The following VWF variants were observed in gnomAD, a reference collection of about 807,000 sequenced individuals.
VWF encodes the protein Factor VIII related antigen.
A neutral mutation model predicts 308.6 loss-of-function variants in VWF; 176 were observed. That is an observed-to-expected ratio of 0.57 (90% CI 0.50 to 0.65). VWF has a LOEUF of 0.65. Among genes scored for constraint, VWF ranks in the 30% least tolerant of loss-of-function variants. The pLI is 0.00. For missense variants in VWF, 3,146 were observed against 3,648.2 expected, an observed-to-expected ratio of 0.86 and a Z score of 3.55; for synonymous variants, 1,385 against 1,443.4, an observed-to-expected ratio of 0.96 and a Z score of 0.92.
At chr12:6,116,793 C>A (rs1945371886) in intron 3 of VWF, among the ~76,000 whole-genome samples, 1 of 152,174 alleles carries the variant, frequency 6.6e-6, no homozygotes, top group African/African-American at 2.4e-5. Flanking sequence ...CCTTCGTGTG[C>A]GTACATAAAC....
At chr12:5,991,510 T>C (rs1943742651) in intron 38 of VWF, among the ~76,000 whole-genome samples, 1 of 152,208 alleles carries the variant, frequency 6.6e-6, no homozygotes, top group Non-Finnish European at 1.5e-5. Flanking sequence ...CTTTCCCTCC[T>C]GGATTTCTGT....
intron 6 of VWF, among the ~76,000 whole-genome samples, chr12:6,087,354 CTTTT>C (rs948166436): frequency 5.1e-5 from 6 of 118,762 alleles, no homozygotes; most frequent in Admixed American, 4.4e-4. Context: ...AGACTTAACT[CTTTT>C]TTTTTTTTTT....
In VWF at chr12:5,985,090, G is replaced by A. The variant is rs150725355; in HGVS notation, c.6931C>T (p.Arg2311Cys). The stretch of plus-strand genomic sequence containing the variant: ...CACTGGTCTGCATTCTGGCGGAGGC[G>A]GGCTACTTCACACAGGCCACACGTG... ...APTCGLCEVARLRQNADQCCP... is the reference protein window; with the variant it reads ...APTCGLCEVACLRQNADQCCP... The change falls in exon 40 of 52, where the codon CGC becomes TGC. Residue 2311 changes from arginine (R) to cysteine (C), a missense_variant. Around this residue, in one of 3 missense-constraint regions of VWF, gnomAD observed 989 missense variants for 1,117.4 expected, o/e 0.89. Transcript: ENST00000261405. The A allele has an allele frequency of 7.0e-5, 113 of 1,614,030 alleles. No homozygotes were observed. Among genetic ancestry groups the A allele is most frequent in the Non-Finnish European group, 7.7e-5 (91 of 1,180,046 alleles).
At chr12:6,068,990 G>A (rs1944753622) in intron 10 of VWF, among the ~76,000 whole-genome samples, 1 of 151,680 alleles carries the variant, frequency 6.6e-6, no homozygotes, top group Non-Finnish European at 1.5e-5. Flanking sequence ...CCAAGTACCT[G>A]GGACTACAGG....
At chr12:6,095,839 G>T (rs1945100196) in intron 5 of VWF, 1 of 462,520 alleles carries the variant, frequency 2.2e-6, no homozygotes, top group Non-Finnish European at 4.0e-6. Context: ...CAACCCAGTT[G>T]TCCCCCACTC....
chr12:6,099,339 A>AAAAC (rs1565389298), intron 5 of VWF, among the ~76,000 whole-genome samples: 2 of 149,638 alleles, frequency 1.3e-5, no homozygotes, highest in Non-Finnish European at 3.0e-5. Context: ...AAAAAAAAAA[A>AAAAC]AACCAAGGAA....
chr12:6,101,194 T>C (rs958060173), intron 5 of VWF, among the ~76,000 whole-genome samples: 2 of 152,118 alleles, frequency 1.3e-5, no homozygotes, highest in Non-Finnish European at 2.9e-5. Flanking sequence ...AGAAGATAGA[T>C]CTAAGTAGAG....
chr12:6,090,474 G>A (rs192334037), intron 6 of VWF, among the ~76,000 whole-genome samples: 3 of 152,174 alleles, frequency 2.0e-5, no homozygotes, highest in African/African-American at 2.4e-5. Context: ...AAAAGAATGC[G>A]TGTTGAAACT....
At chr12:6,003,960 C>T (rs373522187) in intron 34 of VWF, among the ~76,000 whole-genome samples, 8 of 151,800 alleles carry the variant, frequency 5.3e-5, no homozygotes, top group Admixed American at 3.3e-4. Context: ...GAACTACAGG[C>T]GCCCGCCACC....
chr12:6,073,243 C>T (rs116811595), intron 8 of VWF, among the ~76,000 whole-genome samples: 2 of 152,242 alleles, frequency 1.3e-5, no homozygotes, highest in South Asian at 4.1e-4. Context: ...AGTGCAGAGC[C>T]CTTTTTCAGC....
At chr12:6,120,364 C>T (rs1311698941) in intron 3 of VWF, among the ~76,000 whole-genome samples, 1 of 151,816 alleles carries the variant, frequency 6.6e-6, no homozygotes, top group Admixed American at 6.6e-5. Flanking sequence ...CTCTGTTGCC[C>T]AGGCTGGAGT....
Position 6,012,138 on chromosome 12 carries a change from A to T in VWF, c.5621-8T>A. 1 of 1,614,018 alleles carries T rather than the reference A, an allele frequency of 6.2e-7. No homozygotes were observed. Among genetic ancestry groups the T allele is most frequent in the East Asian group, 2.2e-5 (1 of 44,884 alleles). On this transcript the variant is annotated splice_polypyrimidine_tract_variant and splice_region_variant and intron_variant, in intron 32 of 51. Transcript: ENST00000261405. Reference sequence around the variant, plus strand: ...TGCAAATCCTAACAAATCCTGCAACAGACACAAATAAGACCTTAGTTCCCA... The same window carrying T: ...TGCAAATCCTAACAAATCCTGCAACTGACACAAATAAGACCTTAGTTCCCA...
rs753735116 is a variant in VWF, at chr12:6,011,720, C to G, written c.5739G>C (p.Lys1913Asn). ...TCQPDGQTLL[K>N]SHRVNCDRGL... ...CCCGGTCACAGTTGACCCGATGACT[C>G]TTCAGCAAGGTCTGGCCATCTGGCT... Residue 1913 changes from lysine to asparagine, a missense_variant, in exon 34 of 52, where the codon AAG (lysine) becomes AAC (asparagine). Physicochemically the swap from Lys to Asn is moderately conservative, Grantham distance 94. Transcript: ENST00000261405. The G allele has an allele frequency of 4.6e-5, 75 of 1,613,758 alleles. 1 individual carries two copies. In the South Asian group the frequency reaches 7.7e-4, roughly 17 times the overall value.
intron 47 of VWF, 107 bp downstream of exon 47, chr12:5,967,379 A>T (rs1591834774): frequency 1.0e-6 from 1 of 957,496 alleles, no homozygotes; most frequent in East Asian, 2.4e-5. Context: ...GTTTATAATC[A>T]GAAAATAATG....
intron 11 of VWF, 86 bp downstream of exon 11, chr12:6,065,051 G>T: frequency 6.3e-7 from 1 of 1,590,144 alleles, no homozygotes; most frequent in Admixed American, 1.7e-5. Context: ...AATGCCCCAC[G>T]CCTTCCAGGG....
intron 47 of VWF, among the ~76,000 whole-genome samples, chr12:5,964,239 C>T (rs1439914144): frequency 6.9e-6 from 1 of 144,594 alleles, no homozygotes; most frequent in Non-Finnish European, 1.5e-5. Flanking sequence ...TACATACATA[C>T]ATACATACAT....
chr12:6,046,872 C>G lies in VWF; in HGVS notation c.2187-55G>C. ...CACGAGACTCGTCTATACTCGCTGC[C>G]TCCACATCTTCACCTCCCACTCACT... On this transcript the variant is annotated intron_variant, in intron 16 of 51. Coordinates refer to ENST00000261405, the MANE Select transcript of VWF (RefSeq NM_000552.5). The surrounding 1 kb of genome is among the most constrained non-coding windows in gnomAD (Gnocchi z 5.0). The G allele has an allele frequency of 6.6e-7, 1 of 1,521,576 alleles. No homozygotes were observed. Among genetic ancestry groups the G allele is most frequent in the Non-Finnish European group, 9.0e-7 (1 of 1,105,116 alleles). The allele number at this position is 1,521,576 out of a possible 1,614,324, so 94.3% of individuals were successfully genotyped here.
rs748547870 is a variant in VWF, at chr12:6,068,817, CT to C, written c.1156+2479del. ...GATGCATTTTTTTTTCTTTTTCTTC[CT>C]TTTTTTTTTTTTTTTGCGTGTGTGT... On this transcript the variant is annotated intron_variant, in intron 10 of 51. Transcript: ENST00000261405. Among the ~76,000 whole-genome samples, 538 of 113,270 alleles carry C rather than the reference CT, an allele frequency of 4.7e-3. 1 individual carries two copies. Among genetic ancestry groups the C allele is most frequent in the East Asian group, 0.014 (61 of 4,230 alleles). 74.3% of individuals were successfully genotyped at this position (113,270 alleles called of 152,430 possible).
intron 50 of VWF, among the ~76,000 whole-genome samples, chr12:5,951,422 T>C (rs1430379348): frequency 6.6e-6 from 1 of 152,216 alleles, no homozygotes; most frequent in Admixed American, 6.5e-5. Context: ...AATAGATATG[T>C]GTTGAGAGTC....
Sources: allele counts gnomAD v4.1 joint callset (sites outside exome capture counted in the v4.1 genomes callset), GRCh38; gene constraint gnomAD v4.1.1; regional missense constraint gnomAD v4.1.1; non-coding constraint Gnocchi (gnomAD v3.1); transcripts MANE v1.5; gene names NCBI Gene and HGNC (gene_info 2026-07-23, HGNC 2026-07-21).